Variants in KCNH5 observed in about 807,000 individuals in gnomAD.
KCNH5 encodes potassium voltage-gated channel subfamily H member 5.
In KCNH5, 46 loss-of-function variants were observed where a neutral mutation model predicts 96.1. That is an observed-to-expected ratio of 0.48 (90% confidence interval 0.38 to 0.61). The LOEUF is 0.61. KCNH5 is among the 20% of genes least tolerant of loss of function. The pLI, the probability that KCNH5 is intolerant of heterozygous loss-of-function variation, is 0.00. For synonymous variants in KCNH5, 439 were observed against 449.8 expected (o/e 0.98, Z 0.30); for missense variants, 907 against 1,225.8 (o/e 0.74, Z 3.88).
At chr14:62,897,622 A>G (rs1888840992) in intron 7 of KCNH5, among the ~76,000 whole-genome samples, 1 of 152,202 alleles carries the variant, frequency 6.6e-6, no homozygotes, top group Non-Finnish European at 1.5e-5. Flanking sequence ...AGGCCCAAGA[A>G]TAAAATGTAT....
chr14:62,848,827 G>A lies in KCNH5; in HGVS notation c.1569+826C>T, dbSNP rs1015629495. On this transcript the variant is annotated intron_variant, in intron 8 of 10. Transcript: ENST00000322893. ...AAGTATTATGCCATCTAATTATCAC[G>A]TGTCAAAAATCAGTACCTAAAAAGA... Among the ~76,000 whole-genome samples the A allele has an allele frequency of 7.9e-5, 12 of 152,144 alleles. No homozygotes were observed. The East Asian group carries it at 1.2e-3, about 15-fold the overall frequency.
intron 9 of KCNH5, among the ~76,000 whole-genome samples, chr14:62,786,515 T>G (rs549146134): frequency 2.0e-5 from 3 of 152,136 alleles, no homozygotes; most frequent in Non-Finnish European, 2.9e-5. Flanking sequence ...ATCTCACATA[T>G]TTTTGATTGT....
At chr14:62,820,887 T>C (rs1450919365) in intron 8 of KCNH5, among the ~76,000 whole-genome samples, 1 of 152,024 alleles carries the variant, frequency 6.6e-6, no homozygotes, top group African/African-American at 2.4e-5. Flanking sequence ...TTTATATTCT[T>C]TGGGGCATAT....
intron 6 of KCNH5, among the ~76,000 whole-genome samples, chr14:62,963,030 A>G (rs935526737): frequency 1.3e-5 from 2 of 152,120 alleles, no homozygotes; most frequent in Non-Finnish European, 2.9e-5. Context: ...GCCTAAAGCT[A>G]GGTCACAATG....
intron 10 of KCNH5, among the ~76,000 whole-genome samples, chr14:62,752,323 G>A (rs967702988): frequency 3.3e-5 from 5 of 151,990 alleles, no homozygotes. Flanking sequence ...GAGAAGAGGA[G>A]AGAAAAGAAT....
At chr14:62,997,746 A>C (rs1890932796) in intron 4 of KCNH5, among the ~76,000 whole-genome samples, 1 of 151,684 alleles carries the variant, frequency 6.6e-6, no homozygotes, top group African/African-American at 2.4e-5. Context: ...AAATACAAAA[A>C]AAAATTAACC....
chr14:62,715,171 T>C (rs1300355438), intron 10 of KCNH5, among the ~76,000 whole-genome samples: 1 of 152,190 alleles, frequency 6.6e-6, no homozygotes, highest in African/African-American at 2.4e-5. Flanking sequence ...ATTGAATAAT[T>C]TGAATGTGTA....
At chr14:62,959,862 T>C (rs1890174077) in intron 6 of KCNH5, among the ~76,000 whole-genome samples, 1 of 152,186 alleles carries the variant, frequency 6.6e-6, no homozygotes, top group Non-Finnish European at 1.5e-5. Context: ...CTCTCTCCTC[T>C]ATCTACGGGA....
Position 62,874,304 on chromosome 14 carries a change from G to C in KCNH5, c.1370-24452C>G, listed in dbSNP as rs542949503. Among the ~76,000 whole-genome samples the C allele has an allele frequency of 1.1e-3, 174 of 151,920 alleles. 3 individuals are homozygous for C. The South Asian group carries it at 0.017, about 15-fold the overall frequency. On this transcript the variant is annotated intron_variant, in intron 7 of 10. Transcript: ENST00000322893. ...GAAAAAAAAACCTCATCAAAAAGTA[G>C]GCAAACAAAAAGACACTTCTCAAAA...
intron 7 of KCNH5, among the ~76,000 whole-genome samples, chr14:62,869,708 T>C (rs112683101): frequency 2.6e-5 from 4 of 152,292 alleles, no homozygotes; most frequent in South Asian, 2.1e-4. Context: ...ACTACAAGGC[T>C]GCAGTAACTG....
intron 10 of KCNH5, among the ~76,000 whole-genome samples, chr14:62,736,737 G>A (rs937984263): frequency 1.3e-5 from 2 of 152,116 alleles, no homozygotes; most frequent in Non-Finnish European, 2.9e-5. Context: ...GTAAGAGAAA[G>A]CACTCCTGAC....
chr14:62,897,392 GA>G (rs1014535983), intron 7 of KCNH5, among the ~76,000 whole-genome samples: 1 of 152,128 alleles, frequency 6.6e-6, no homozygotes, highest in Non-Finnish European at 1.5e-5. Flanking sequence ...TGTAAGGCAA[GA>G]AAAGTATTTT....
intron 10 of KCNH5, among the ~76,000 whole-genome samples, chr14:62,758,773 G>C (rs1235303272): frequency 1.3e-5 from 2 of 152,156 alleles, no homozygotes; most frequent in Non-Finnish European, 1.5e-5. Flanking sequence ...CCAACCAAAT[G>C]TTACAGCAAT....
chr14:62,892,250 T>A (rs1455833118), intron 7 of KCNH5, among the ~76,000 whole-genome samples: 1 of 152,212 alleles, frequency 6.6e-6, no homozygotes, highest in Admixed American at 6.5e-5. Flanking sequence ...AACAGCTTTA[T>A]CGCTGCTATA....
At chr14:62,812,992 A>C (rs1324406986) in intron 8 of KCNH5, among the ~76,000 whole-genome samples, 1 of 152,166 alleles carries the variant, frequency 6.6e-6, no homozygotes, top group East Asian at 1.9e-4. Flanking sequence ...ATTGGATATC[A>C]AGATTTCCAG....
chr14:62,995,488 A>G lies in KCNH5; in HGVS notation c.433+5843T>C, dbSNP rs1890890309. ...CTCTTATTCACTTGACCAAATTTCAACATTGGATAAACACAACTTTTCACT... is the reference window on the plus strand; with the variant it reads ...CTCTTATTCACTTGACCAAATTTCAGCATTGGATAAACACAACTTTTCACT... On this transcript the variant is annotated intron_variant, in intron 4 of 10. Coordinates refer to ENST00000322893, the MANE Select transcript of KCNH5 (RefSeq NM_139318.5). Among the ~76,000 whole-genome samples, 3 of 152,164 alleles carry G rather than the reference A, an allele frequency of 2.0e-5. No individual in the cohort carries two copies. In the South Asian group the frequency reaches 6.2e-4, roughly 31 times the overall value.
chr14:62,843,508 T>A (rs1368894044), intron 8 of KCNH5, among the ~76,000 whole-genome samples: 1 of 147,952 alleles, frequency 6.8e-6, no homozygotes, highest in Non-Finnish European at 1.5e-5. Flanking sequence ...TCCTCCCGGG[T>A]TCAAGCAATT....
chr14:62,803,114 G>A (rs1349086092), intron 8 of KCNH5, among the ~76,000 whole-genome samples: 1 of 152,190 alleles, frequency 6.6e-6, no homozygotes, highest in African/African-American at 2.4e-5. Flanking sequence ...TCGTGCCACT[G>A]CACTCCAGCC....
chr14:62,977,762 T>C (rs1890528951), intron 6 of KCNH5, among the ~76,000 whole-genome samples: 1 of 152,102 alleles, frequency 6.6e-6, no homozygotes, highest in South Asian at 2.1e-4. Context: ...TGAGGTCCTG[T>C]AAGGAGTAGA....
Sources: allele counts gnomAD v4.1 joint callset (sites outside exome capture counted in the v4.1 genomes callset), GRCh38; gene constraint gnomAD v4.1.1; transcripts MANE v1.5; gene names NCBI Gene and HGNC (gene_info 2026-07-23, HGNC 2026-07-21).